HUNK: variants seen among roughly 807,000 people sequenced by gnomAD.
HUNK encodes the protein hormonally up-regulated Neu-associated kinase, also known as hormonally up-regulated neu tumor-associated kinase.
Under a neutral mutation model 61.0 loss-of-function variants are expected in HUNK, and 21 were observed. The ratio of observed to expected loss-of-function variants is 0.34; its 90% CI spans 0.24 to 0.50. The LOEUF (loss-of-function observed/expected upper bound fraction) is 0.50, where lower values mean the gene tolerates loss of function less well. Among genes scored for constraint, HUNK ranks in the 20% least tolerant of loss-of-function variants. The probability of loss-of-function intolerance (pLI) is 0.98; values close to 1 mark genes in which losing one functional copy is unlikely to be tolerated. For missense variants in HUNK, 772 were observed against 945.7 expected, an observed-to-expected ratio of 0.82 and a Z score of 2.41; for synonymous variants, 371 against 386.1, an observed-to-expected ratio of 0.96 and a Z score of 0.46.
At chr21:31,979,717 G>T (rs375001700) in intron 7 of HUNK, among the ~76,000 whole-genome samples, 1 of 149,094 alleles carries the variant, frequency 6.7e-6, no homozygotes, top group Non-Finnish European at 1.5e-5. Context: ...GGGTTTCACC[G>T]TGTTAGCCAG....
At chr21:31,955,258 A>ATTTT (rs10654162) in intron 4 of HUNK, among the ~76,000 whole-genome samples, 427 of 145,000 alleles carry the variant, frequency 2.9e-3, no homozygotes, top group South Asian at 5.5e-3. Context: ...AATAAAAGTG[A>ATTTT]TTTTTTTTTT....
chr21:31,896,374 C>G (rs1261303110), intron 1 of HUNK, among the ~76,000 whole-genome samples: 1 of 152,154 alleles, frequency 6.6e-6, no homozygotes, highest in Non-Finnish European at 1.5e-5. Flanking sequence ...GTAACTTTTT[C>G]CTCTGGGAAG....
rs538264015 is a variant in HUNK, at chr21:31,933,399, C to T, written c.555-6766C>T. On this transcript the variant is annotated intron_variant, in intron 2 of 10. Transcript: ENST00000270112. The stretch of plus-strand genomic sequence containing the variant: ...GTACAGTGGTTCACGCTTATAATCC[C>T]AGCACTTTGGGAAGCCAAGGTGGGA... Among the ~76,000 whole-genome samples, 5 of 152,202 alleles carry T rather than the reference C, an allele frequency of 3.3e-5. No homozygotes were observed. The East Asian group carries it at 5.8e-4, about 18-fold the overall frequency.
At chr21:31,900,495 G>A (rs980731488) in intron 1 of HUNK, among the ~76,000 whole-genome samples, 5 of 116,010 alleles carry the variant, frequency 4.3e-5, no homozygotes, top group Admixed American at 9.1e-5. Flanking sequence ...TACTGTGCTC[G>A]TCATGATTTT....
chr21:31,902,378 C>T (rs910936389), intron 1 of HUNK, among the ~76,000 whole-genome samples: 12 of 152,106 alleles, frequency 7.9e-5, no homozygotes, highest in Non-Finnish European at 1.3e-4. Flanking sequence ...GGCGTGGTGG[C>T]GCATGCCTGG....
chr21:31,995,125 C>A (rs1389509957), intron 9 of HUNK, among the ~76,000 whole-genome samples: 1 of 148,906 alleles, frequency 6.7e-6, no homozygotes, highest in African/African-American at 2.5e-5. Context: ...CACCACTGCA[C>A]CCCAGCCTGG....
At position 31,924,906 on chromosome 21, in the gene HUNK, A is replaced by T. The variant is rs2052649741; in HGVS notation, c.554+146A>T. ...ATATTTTAATTTTATTTATTTGTTT[A>T]TTTTTTTGAGACGGAGTTTTGTTCT... On this transcript the variant is annotated intron_variant, in intron 2 of 10. Transcript: ENST00000270112. This position sits in a 1 kb window ranked among gnomAD's most constrained non-coding sequence, Gnocchi z 5.1. The T allele has an allele frequency of 1.6e-5, 11 of 702,966 alleles. No homozygotes were observed. The highest frequency in any genetic ancestry group is 2.9e-5 in the South Asian group (1 of 34,654). The allele number at this position is 702,966 out of a possible 1,614,324, so 43.5% of individuals were successfully genotyped here.
In HUNK at chr21:31,873,794, G is replaced by C; in HGVS notation, c.120G>C (p.Trp40Cys). The C allele has an allele frequency of 1.9e-6, 3 of 1,559,102 alleles. No individual in the cohort carries two copies. Among genetic ancestry groups the C allele is most frequent in the South Asian group, 2.3e-5 (2 of 85,982 alleles). ...AACEGSFLPA[W>C]VSGVPRERLR... The stretch of plus-strand genomic sequence containing the variant: ...GCGAGGGAAGTTTCCTGCCTGCCTG[G>C]GTGAGCGGCGTGCCCCGCGAGCGGC... Residue 40 changes from tryptophan to cysteine, a missense_variant, in exon 1 of 11, where the codon TGG becomes TGC. Coordinates refer to ENST00000270112, the MANE Select transcript of HUNK (RefSeq NM_014586.2). This position sits in a 1 kb window ranked among gnomAD's most constrained non-coding sequence, Gnocchi z 6.1.
Position 32,003,366 on chromosome 21 carries a change from T to C in HUNK, c.*4182T>C, listed in dbSNP as rs1479767123. On this transcript the variant is annotated 3_prime_UTR_variant, in exon 11 of 11. Transcript: ENST00000270112. ...AGCAAACCCCTGGATAGCCTTGTTA[T>C]CTACTTTAGGTATTAAGAGGCTATT... The C allele has an allele frequency of 6.6e-6, 1 of 151,982 alleles. No homozygotes were observed. Among genetic ancestry groups the C allele is most frequent in the Non-Finnish European group, 1.5e-5 (1 of 67,892 alleles). The allele number at this position is 151,982 out of a possible 1,614,324, so 9.4% of individuals were successfully genotyped here.
intron 2 of HUNK, among the ~76,000 whole-genome samples, chr21:31,936,928 T>C (rs1217758209): frequency 6.6e-6 from 1 of 152,162 alleles, no homozygotes; most frequent in Non-Finnish European, 1.5e-5. Flanking sequence ...AATTTCTCCT[T>C]TAATGCCTTA....
intron 1 of HUNK, among the ~76,000 whole-genome samples, chr21:31,898,701 A>G (rs2052442778): frequency 6.6e-6 from 1 of 151,910 alleles, no homozygotes; most frequent in South Asian, 2.1e-4. Flanking sequence ...TTTGTTGTGG[A>G]GTGGGGTGGA....
intron 1 of HUNK, among the ~76,000 whole-genome samples, chr21:31,880,073 C>T (rs149290945): frequency 3.9e-5 from 6 of 152,178 alleles, no homozygotes; most frequent in East Asian, 1.9e-4. Context: ...GAGGGGGATG[C>T]CTCTGTGAAT....
At chr21:31,897,189 TG>T (rs1259743182) in intron 1 of HUNK, among the ~76,000 whole-genome samples, 1 of 150,164 alleles carries the variant, frequency 6.7e-6, no homozygotes, top group Non-Finnish European at 1.5e-5. Flanking sequence ...GAGGCTGCGG[TG>T]AGCCGAGATC....
intron 1 of HUNK, among the ~76,000 whole-genome samples, chr21:31,891,657 A>T (rs910257444): frequency 6.6e-6 from 1 of 152,242 alleles, no homozygotes; most frequent in African/African-American, 2.4e-5. Context: ...AACTTTATTT[A>T]ACACTTTGTT....
At position 31,974,652 on chromosome 21, in the gene HUNK, C is replaced by T. The variant is rs1163942028; in HGVS notation, c.1108C>T (p.Arg370Cys). ...SDVINTVLSN[R>C]ACHILAIYFL... ...CGTGATCAACACTGTGCTCTCCAACCGCGCCTGCCACATCCTGGCCATCTA... is the reference window on the plus strand; with the variant it reads ...CGTGATCAACACTGTGCTCTCCAACTGCGCCTGCCACATCCTGGCCATCTA... The change falls in exon 7 of 11, where the codon CGC becomes TGC. Residue 370 changes from arginine (R) to cysteine (C), a missense_variant. This residue lies in a region of HUNK where 359 missense variants were observed against 501.3 expected (regional missense o/e 0.72). Transcript: ENST00000270112. 9.3e-6 allele frequency: 15 copies of T among 1,613,864 alleles called. No individual in the cohort carries two copies. Among genetic ancestry groups the T allele is most frequent in the Admixed American group, 1.7e-5 (1 of 59,980 alleles).
intron 1 of HUNK, among the ~76,000 whole-genome samples, chr21:31,874,340 G>C (rs1433943699): frequency 2.0e-5 from 3 of 150,382 alleles, no homozygotes; most frequent in South Asian, 2.1e-4. Flanking sequence ...CGGGGGGCGG[G>C]GGGGGCAGGA....
chr21:31,903,413 C>T (rs1157533045), intron 1 of HUNK, among the ~76,000 whole-genome samples: 1 of 151,726 alleles, frequency 6.6e-6, no homozygotes, highest in Admixed American at 6.6e-5. Flanking sequence ...TCATTAGTTA[C>T]TTTTTAGTCA....
intron 7 of HUNK, among the ~76,000 whole-genome samples, chr21:31,977,749 TG>T (rs2053060602): frequency 6.6e-6 from 1 of 152,224 alleles, no homozygotes; most frequent in Non-Finnish European, 1.5e-5. Context: ...TGGAGTGCAG[TG>T]GCACAATCAT....
chr21:31,931,772 G>A lies in HUNK; in HGVS notation c.554+7012G>A, dbSNP rs1337108355. 3.9e-5 allele frequency among the ~76,000 whole-genome samples: 6 copies of A among 152,030 alleles called. No homozygotes were observed. The East Asian group carries it at 7.7e-4, about 20-fold the overall frequency. ...CAGTTCTTTGGACTCAACCCTGAGCGGCTCCCCCAGGCTCTTTCCTGAGTT... is the reference window on the plus strand; with the variant it reads ...CAGTTCTTTGGACTCAACCCTGAGCAGCTCCCCCAGGCTCTTTCCTGAGTT... On this transcript the variant is annotated intron_variant, in intron 2 of 10. Transcript: ENST00000270112.
Sources: allele counts gnomAD v4.1 joint callset (sites outside exome capture counted in the v4.1 genomes callset), GRCh38; gene constraint gnomAD v4.1.1; regional missense constraint gnomAD v4.1.1; non-coding constraint Gnocchi (gnomAD v3.1); transcripts MANE v1.5; gene names NCBI Gene and HGNC (gene_info 2026-07-23, HGNC 2026-07-21).